Variants in KDM4B observed in about 807,000 individuals in gnomAD.
KDM4B encodes the protein lysine-specific demethylase 4B.
Under a neutral mutation model 125.2 loss-of-function variants are expected in KDM4B, and 32 were observed. The ratio of observed to expected loss-of-function variants is 0.26; its 90% CI spans 0.19 to 0.34. The LOEUF is 0.34. Ranked by LOEUF, KDM4B falls within the 10% of genes least tolerant of loss-of-function variation. KDM4B has a pLI of 1.00. For missense variants in KDM4B, 1,190 were observed against 1,577.7 expected (o/e 0.75, Z 4.16); for synonymous variants, 721 against 677.9 (o/e 1.06, Z -0.99).
intron 9 of KDM4B, among the ~76,000 whole-genome samples, chr19:5,096,513 C>T (rs1434184883): frequency 6.6e-6 from 1 of 152,190 alleles, no homozygotes; most frequent in African/African-American, 2.4e-5. Context: ...TCCTGCTGAC[C>T]TCAGTGCCCC....
At chr19:4,978,806 G>A (rs1304585798) in intron 1 of KDM4B, among the ~76,000 whole-genome samples, 1 of 152,218 alleles carries the variant, frequency 6.6e-6, no homozygotes, top group Non-Finnish European at 1.5e-5. Flanking sequence ...GTCACTGGGA[G>A]CTCGGGCAGC....
At chr19:5,032,613 T>C (rs1599459074) in intron 2 of KDM4B, among the ~76,000 whole-genome samples, 1 of 152,202 alleles carries the variant, frequency 6.6e-6, no homozygotes, top group Admixed American at 6.5e-5. Context: ...TGGCTCCCGG[T>C]GTCGCCTCGG....
chr19:5,083,922 C>T (rs1419926787), intron 9 of KDM4B, among the ~76,000 whole-genome samples: 3 of 152,156 alleles, frequency 2.0e-5, no homozygotes, highest in East Asian at 1.9e-4. Context: ...GGGCCAGATC[C>T]GGATTCTTTG....
In KDM4B at chr19:5,120,510, C is replaced by T. The variant is rs905839433; in HGVS notation, c.1315+658C>T. 8.1e-4 allele frequency among the ~76,000 whole-genome samples: 123 copies of T among 152,080 alleles called. 2 individuals carry two copies. Among genetic ancestry groups the T allele is most frequent in the Admixed American group, 4.6e-4 (7 of 15,282 alleles). ...CGGGGCTGGCAAGACAGGGGGCAGC[C>T]GCCTTCCCACAGGAGTGTGAACCAG... On this transcript the variant is annotated intron_variant, in intron 11 of 22. Transcript: ENST00000159111.
Position 5,047,510 on chromosome 19 carries a change from C to G in KDM4B, c.467C>G (p.Thr156Ser), listed in dbSNP as rs2145704960. 6.2e-7 allele frequency: 1 copy of G among 1,613,214 alleles called. No homozygotes were observed. The highest frequency in any genetic ancestry group is 2.2e-5 in the East Asian group (1 of 44,856). ...CAGTGGAACATCGGGAGCCTCCGGACCATCCTGGACATGGTGGAGCGCGAG... is the reference window on the plus strand; with the variant it reads ...CAGTGGAACATCGGGAGCCTCCGGAGCATCCTGGACATGGTGGAGCGCGAG... ...VAQWNIGSLR[T>S]ILDMVERECG... Residue 156 changes from threonine (T) to serine (S), a missense_variant, in exon 6 of 23, where the codon ACC (threonine) becomes AGC (serine). By Grantham distance (58) the Thr-to-Ser change is moderately conservative. This residue lies in a region of KDM4B where 139 missense variants were observed against 248.3 expected (regional missense o/e 0.56). Coordinates refer to ENST00000159111, the MANE Select transcript of KDM4B (RefSeq NM_015015.3).
At chr19:4,986,808 C>T (rs373967057) in intron 1 of KDM4B, among the ~76,000 whole-genome samples, 11 of 152,200 alleles carry the variant, frequency 7.2e-5, no homozygotes, top group African/African-American at 2.2e-4. Flanking sequence ...CAAGGCGGAA[C>T]GAGGCGCAGC....
intron 11 of KDM4B, among the ~76,000 whole-genome samples, chr19:5,127,445 CAG>C (rs1240371517): frequency 6.6e-6 from 1 of 152,194 alleles, no homozygotes; most frequent in Admixed American, 6.5e-5. Flanking sequence ...TGGGAGCCGA[CAG>C]GGAGAGGGCT....
At chr19:5,110,839 C>G in intron 10 of KDM4B, 21 bp downstream of exon 10, 2 of 1,532,128 alleles carry the variant, frequency 1.3e-6, no homozygotes, top group South Asian at 2.4e-5. Context: ...AAGGGACTGC[C>G]GCGTGACTGC....
At chr19:5,047,801 C>G (rs936012944) in intron 6 of KDM4B, 132 bp downstream of exon 6, 4 of 856,082 alleles carry the variant, frequency 4.7e-6, no homozygotes, top group Non-Finnish European at 7.2e-6. Context: ...CCTATGACGG[C>G]TGGAGATCTT....
chr19:4,978,107 G>A (rs1264599725), intron 1 of KDM4B, among the ~76,000 whole-genome samples: 1 of 152,192 alleles, frequency 6.6e-6, no homozygotes, highest in Non-Finnish European at 1.5e-5. Flanking sequence ...ATGCACTTGA[G>A]TCAAGCCTCT....
In KDM4B at chr19:5,151,392, G is replaced by A. The variant is rs755061452; in HGVS notation, c.3172G>A (p.Ala1058Thr). 20 of 1,586,134 alleles carry A rather than the reference G, an allele frequency of 1.3e-5. No individual in the cohort carries two copies. The highest frequency in any genetic ancestry group is 4.6e-5 in the East Asian group (2 of 43,048). The change falls in exon 23 of 23, where the codon GCC becomes ACC. Residue 1058 changes from alanine to threonine, a missense_variant. Coordinates refer to ENST00000159111, the MANE Select transcript of KDM4B (RefSeq NM_015015.3). ...PAFSGEEAKAAKRPRVGTPLA... is the reference protein window; with the variant it reads ...PAFSGEEAKATKRPRVGTPLA... ...CTTCTCGGGGGAGGAGGCCAAGGCC[G>A]CCAAGCGCCCGCGTGTGGGCACCCC...
intron 1 of KDM4B, among the ~76,000 whole-genome samples, chr19:4,977,039 GT>G (rs149220369): frequency 6.7e-5 from 10 of 149,718 alleles, no homozygotes; most frequent in African/African-American, 1.2e-4. Context: ...TTTCTTTTCT[GT>G]TTTTTTTTTA....
Position 4,983,590 on chromosome 19 carries a change from T to C in KDM4B, c.-109+14360T>C, listed in dbSNP as rs531729997. 3.3e-3 allele frequency among the ~76,000 whole-genome samples: 499 copies of C among 152,272 alleles called. 6 individuals carry two copies. Among genetic ancestry groups the C allele is most frequent in the Non-Finnish European group, 1.5e-3 (105 of 68,032 alleles). On this transcript the variant is annotated intron_variant, in intron 1 of 22. Transcript: ENST00000159111. ...CTGGCGGCCCAGCCTGGGCAGCGCCTCTGGCATCGCAGCTGGTGGGGAGGC... is the reference window on the plus strand; with the variant it reads ...CTGGCGGCCCAGCCTGGGCAGCGCCCCTGGCATCGCAGCTGGTGGGGAGGC...
At chr19:5,037,261 G>C (rs937456957) in intron 3 of KDM4B, among the ~76,000 whole-genome samples, 6 of 152,192 alleles carry the variant, frequency 3.9e-5, no homozygotes, top group African/African-American at 9.7e-5. Context: ...TTCCTGGAGA[G>C]GGGGGACAGT....
intron 9 of KDM4B, among the ~76,000 whole-genome samples, chr19:5,093,756 A>T (rs2038760776): frequency 6.6e-6 from 1 of 152,168 alleles, no homozygotes; most frequent in Non-Finnish European, 1.5e-5. Flanking sequence ...TCTGCTTGGC[A>T]GTGGTCACCG....
intron 6 of KDM4B, among the ~76,000 whole-genome samples, chr19:5,070,116 G>A (rs1254098829): frequency 2.0e-5 from 3 of 152,180 alleles, no homozygotes; most frequent in Admixed American, 6.5e-5. Context: ...GGTCGAGGAT[G>A]GGACTTGACC....
At chr19:4,985,786 C>T (rs563713494) in intron 1 of KDM4B, among the ~76,000 whole-genome samples, 13 of 152,300 alleles carry the variant, frequency 8.5e-5, no homozygotes, top group East Asian at 5.8e-4. Context: ...ATCCTGTGGG[C>T]GGATGGTTTT....
chr19:5,145,230 T>A (rs949751414), intron 21 of KDM4B, among the ~76,000 whole-genome samples: 4 of 152,020 alleles, frequency 2.6e-5, no homozygotes, highest in African/African-American at 7.3e-5. Context: ...TTTTTTTTTT[T>A]AATCAAATTG....
intron 9 of KDM4B, among the ~76,000 whole-genome samples, chr19:5,096,815 C>T (rs937049941): frequency 2.0e-5 from 3 of 151,638 alleles, no homozygotes; most frequent in Admixed American, 6.6e-5. Flanking sequence ...GCGGTGCCCC[C>T]GGCGGTGTCG....
Sources: allele counts gnomAD v4.1 joint callset (sites outside exome capture counted in the v4.1 genomes callset), GRCh38; gene constraint gnomAD v4.1.1; regional missense constraint gnomAD v4.1.1; transcripts MANE v1.5; gene names NCBI Gene and HGNC (gene_info 2026-07-23, HGNC 2026-07-21).